The following GSE1 variants were observed in gnomAD, a reference collection of about 807,000 sequenced individuals.
GSE1 encodes genetic suppressor element 1.
GSE1 carries 32 observed loss-of-function variants against 112.6 expected under a neutral mutation model. The ratio of observed to expected loss-of-function variants is 0.28; its 90% CI spans 0.21 to 0.38. The LOEUF (loss-of-function observed/expected upper bound fraction) is 0.38. Among genes scored for constraint, GSE1 ranks in the 10% least tolerant of loss-of-function variants. The pLI is 1.00. For missense variants in GSE1, 2,348 were observed against 1,699.2 expected, an observed-to-expected ratio of 1.38 and a Z score of -6.71; for synonymous variants, 1,115 against 735.6, an observed-to-expected ratio of 1.52 and a Z score of -8.35.
intron 1 of GSE1, among the ~76,000 whole-genome samples, chr16:85,624,022 C>T (rs1209888989): frequency 6.6e-6 from 1 of 152,178 alleles, no homozygotes; most frequent in African/African-American, 2.4e-5. Context: ...CCTGAGGGAG[C>T]TTGTTAAACA....
intron 1 of GSE1, among the ~76,000 whole-genome samples, chr16:85,319,479 G>A (rs2151495922): frequency 6.6e-6 from 1 of 151,904 alleles, no homozygotes; most frequent in East Asian, 1.9e-4. Context: ...CAGCGGGAGT[G>A]GGTGGGGTGG....
At chr16:85,658,534 C>T (rs1038092440) in intron 8 of GSE1, among the ~76,000 whole-genome samples, 2 of 152,252 alleles carry the variant, frequency 1.3e-5, no homozygotes, top group African/African-American at 4.8e-5. Context: ...GTCCTCCCTT[C>T]TGCCTGCCTC....
intron 1 of GSE1, among the ~76,000 whole-genome samples, chr16:85,181,401 C>T (rs906810250): frequency 2.0e-5 from 3 of 152,226 alleles, no homozygotes; most frequent in African/African-American, 7.2e-5. Context: ...GTGGCCAGTC[C>T]AATGCCACTG....
At chr16:85,246,791 C>G (rs1032893175) in intron 1 of GSE1, among the ~76,000 whole-genome samples, 2 of 152,124 alleles carry the variant, frequency 1.3e-5, no homozygotes, top group African/African-American at 2.4e-5. Context: ...AGCCTCCCCC[C>G]TGGATGTCTG....
At chr16:85,320,603 C>G (rs144142962) in intron 1 of GSE1, among the ~76,000 whole-genome samples, 157 of 152,274 alleles carry the variant, frequency 1.0e-3, no homozygotes, top group Middle Eastern at 3.4e-3. Context: ...CCTGTATCCT[C>G]TCTTCTTACA....
chr16:85,278,976 G>GA (rs146762223), intron 1 of GSE1: 7,493 of 154,000 alleles, frequency 0.049, 201 homozygotes, highest in Non-Finnish European at 0.059. Flanking sequence ...CTCAGTACGG[G>GA]AAATTGCAGA....
At chr16:85,375,752 C>T (rs189652004) in intron 2 of GSE1, among the ~76,000 whole-genome samples, 6 of 152,132 alleles carry the variant, frequency 3.9e-5, no homozygotes, top group Admixed American at 2.6e-4. Context: ...CTGTCTCTCC[C>T]GGGGGCAGCT....
intron 11 of GSE1, among the ~76,000 whole-genome samples, chr16:85,664,342 A>C (rs965498527): frequency 1.3e-5 from 2 of 152,190 alleles, no homozygotes; most frequent in Non-Finnish European, 2.9e-5. Flanking sequence ...TTGGACCTTG[A>C]GCAGCTTCAA....
upstream of GSE1, among the ~76,000 whole-genome samples, chr16:85,552,996 A>G (rs1234649766): frequency 1.3e-5 from 2 of 152,248 alleles, no homozygotes; most frequent in Non-Finnish European, 2.9e-5. Context: ...TTAAAAACCA[A>G]TATAAGAATG....
intron 1 of GSE1, among the ~76,000 whole-genome samples, chr16:85,218,676 C>T (rs1412306928): frequency 2.6e-5 from 4 of 152,094 alleles, no homozygotes; most frequent in African/African-American, 7.2e-5. Flanking sequence ...CAGCAAGTGA[C>T]GGGCCCAGCT....
At chr16:85,613,160 A>G (rs931115235), upstream of GSE1, 8 of 1,346,268 alleles carry the variant, frequency 5.9e-6, no homozygotes, top group East Asian at 1.3e-4. Context: ...GGCTGAGGTC[A>G]GGGAGCCGGG....
In GSE1 at chr16:85,246,615, G is replaced by A. The variant is rs572591560; in HGVS notation, c.2283+74808G>A. Among the ~76,000 whole-genome samples the A allele has an allele frequency of 9.2e-5, 14 of 151,762 alleles. No homozygotes were observed. In the South Asian group the frequency reaches 2.5e-3, roughly 27 times the overall value. On this transcript the variant is annotated intron_variant, in intron 1 of 2. Coordinates refer to the GSE1 transcript ENST00000637419. ...CCCGGCCCTGGAGGAGGAGAAATGA[G>A]GCGCTTTGCAGGGCTGGGAGCCTGA...
chr16:85,521,708 G>A (rs1157262997), intron 2 of GSE1, among the ~76,000 whole-genome samples: 3 of 152,248 alleles, frequency 2.0e-5, no homozygotes, highest in Non-Finnish European at 4.4e-5. Flanking sequence ...CCGCCTGGAG[G>A]AGCAGGAGTG....
upstream of GSE1, among the ~76,000 whole-genome samples, chr16:85,553,787 T>G (rs889324084): frequency 3.9e-5 from 6 of 152,126 alleles, no homozygotes; most frequent in Non-Finnish European, 8.8e-5. Context: ...CTGCCCCCAC[T>G]CCCCCATCTC....
chr16:85,271,787 G>A (rs1908862263), intron 1 of GSE1, among the ~76,000 whole-genome samples: 1 of 152,216 alleles, frequency 6.6e-6, no homozygotes. Context: ...CGCCTGGAGG[G>A]AGAGATGGGA....
intron 2 of GSE1, among the ~76,000 whole-genome samples, chr16:85,546,243 C>G (rs145353026): frequency 6.6e-6 from 1 of 152,124 alleles, no homozygotes; most frequent in African/African-American, 2.4e-5. Flanking sequence ...CGCCACTGTG[C>G]CCAGCTAATT....
At chr16:85,218,109 C>T (rs962668457) in intron 1 of GSE1, among the ~76,000 whole-genome samples, 12 of 152,094 alleles carry the variant, frequency 7.9e-5, no homozygotes, top group Admixed American at 7.9e-4. Context: ...ACCATGTTGG[C>T]CAGGCTGGTC....
chr16:85,374,910 T>C (rs2047386026), intron 2 of GSE1, among the ~76,000 whole-genome samples: 1 of 152,196 alleles, frequency 6.6e-6, no homozygotes, highest in African/African-American at 2.4e-5. Context: ...ATGGTGACAT[T>C]GTGCCTTCCC....
chr16:85,208,966 G>GTGTTGGGGTTTGCCACT (rs2075172725), intron 1 of GSE1, among the ~76,000 whole-genome samples: 1 of 151,292 alleles, frequency 6.6e-6, no homozygotes, highest in East Asian at 1.9e-4. Context: ...GGGTTCGCCT[G>GTGTTGGGGTTTGCCACT]TGTTGGGGTT....
Sources: gnomAD v4.1 joint callset for allele counts (sites outside exome capture counted in the v4.1 genomes callset) on GRCh38, gnomAD v4.1.1 for gene constraint, MANE v1.5 for transcripts, NCBI Gene and HGNC (gene_info 2026-07-23, HGNC 2026-07-21) for gene names.